Variants in MACF1 observed in about 807,000 individuals in gnomAD.
MACF1 encodes the protein microtubule actin crosslinking factor 1.
In MACF1, 193 loss-of-function variants were observed where a neutral mutation model predicts 854.8. The observed-to-expected ratio is 0.23, with a 90% CI of 0.20 to 0.25. The LOEUF is 0.25. Among genes scored for constraint, MACF1 ranks in the 10% least tolerant of loss-of-function variants. The probability of loss-of-function intolerance (pLI) is 1.00; values close to 1 mark genes in which losing one functional copy is unlikely to be tolerated. For missense variants in MACF1, 7,722 were observed against 8,929.1 expected (o/e 0.86, Z 5.45); for synonymous variants, 3,185 against 3,226.7 (o/e 0.99, Z 0.44).
intron 4 of MACF1, among the ~76,000 whole-genome samples, chr1:39,253,400 C>T (rs2484755): frequency 0.055 from 8,390 of 152,114 alleles, 299 homozygotes; most frequent in African/African-American, 0.097. Flanking sequence ...AGCTATGTTC[C>T]TGGGAAACTG....
chr1:39,206,471 AGTT>A (rs1243488208), intron 1 of MACF1: 1 of 152,206 alleles, frequency 6.6e-6, no homozygotes, highest in African/African-American at 2.4e-5. Flanking sequence ...ATAACTAATT[AGTT>A]GTTAATATTT....
intron 6 of MACF1, among the ~76,000 whole-genome samples, chr1:39,278,895 T>C (rs1645490875): frequency 6.6e-6 from 1 of 152,178 alleles, no homozygotes; most frequent in Admixed American, 6.5e-5. Flanking sequence ...ATAGTTTTAG[T>C]AAACTGACTC....
In MACF1 at chr1:39,340,485, C is replaced by T; in HGVS notation, c.10216-17C>T. 1 of 1,591,598 alleles carries T rather than the reference C, an allele frequency of 6.3e-7. No individual in the cohort carries two copies. The highest frequency in any genetic ancestry group is 2.2e-5 in the East Asian group (1 of 44,812). On this transcript the variant is annotated splice_polypyrimidine_tract_variant and intron_variant, in intron 38 of 100. Coordinates refer to ENST00000564288, the MANE Select transcript of MACF1 (RefSeq NM_001394062.1). ...TCTAGTCTTGCTTTTATAGGTAACTCCACTTTATTCCCTCAGGTATTAGAA... is the reference window on the plus strand; with the variant it reads ...TCTAGTCTTGCTTTTATAGGTAACTTCACTTTATTCCCTCAGGTATTAGAA...
rs866925599 is a variant in MACF1 at position 39,191,204 on chromosome 1, T to C, written c.221-39978T>C. On this transcript the variant is annotated intron_variant, in intron 2 of 93. Coordinates refer to the MACF1 transcript ENST00000361689. ...TTTGGGGTGATTCTTTCTTTCTTTT[T>C]TTTTTTTTTTTTTTAACCTAGCAGT... 4.8e-3 allele frequency among the ~76,000 whole-genome samples: 713 copies of C among 149,440 alleles called. 11 individuals are homozygous for C. Among genetic ancestry groups the C allele is most frequent in the South Asian group, 0.043 (207 of 4,772 alleles).
Position 39,331,148 on chromosome 1 carries a change from C to T in MACF1, c.4615-55C>T, listed in dbSNP as rs1571346319. 2.8e-6 allele frequency: 4 copies of T among 1,449,616 alleles called. No individual in the cohort carries two copies. The East Asian group carries it at 1.0e-4, about 36-fold the overall frequency. 89.8% of individuals were successfully genotyped at this position (1,449,616 alleles called of 1,614,324 possible). Reference sequence around the variant, plus strand: ...TTGTGCTTTGCCATTGGCTCTGATTCAGTTTTCTTTTTCTTCTCTTTTCCT... The same window carrying T: ...TTGTGCTTTGCCATTGGCTCTGATTTAGTTTTCTTTTTCTTCTCTTTTCCT... On this transcript the variant is annotated intron_variant, in intron 36 of 100. Coordinates refer to ENST00000564288, the MANE Select transcript of MACF1 (RefSeq NM_001394062.1).
At chr1:39,412,557 C>A in intron 58 of MACF1, 1 of 1,613,996 alleles carries the variant, frequency 6.2e-7, no homozygotes. Flanking sequence ...TGAGTCTGCA[C>A]CTGCTGGTTG....
At chr1:39,396,031 G>A (rs1642258085) in intron 58 of MACF1, among the ~76,000 whole-genome samples, 1 of 152,222 alleles carries the variant, frequency 6.6e-6, no homozygotes, top group Non-Finnish European at 1.5e-5. Context: ...AAATTTGATA[G>A]CAAGGTGAGA....
intron 87 of MACF1, 120 bp from the exon 88 acceptor site, chr1:39,453,587 G>A (rs1644380295): frequency 1.2e-6 from 1 of 804,608 alleles, no homozygotes; most frequent in Non-Finnish European, 2.0e-6. Context: ...GGCTTTTAGA[G>A]GTCTGCGTTA....
chr1:39,242,378 C>G (rs1644934823), intron 2 of MACF1, among the ~76,000 whole-genome samples: 1 of 151,032 alleles, frequency 6.6e-6, no homozygotes, highest in Non-Finnish European at 1.5e-5. Flanking sequence ...GACAGCAGAC[C>G]CCTCCTTGAC....
chr1:39,476,913 G>A (rs1035828695), intron 97 of MACF1, among the ~76,000 whole-genome samples: 11 of 149,638 alleles, frequency 7.4e-5, no homozygotes, highest in African/African-American at 2.7e-4. Context: ...TGTCCTCCCC[G>A]GCTTCAAGGA....
intron 50 of MACF1, 68 bp downstream of exon 50, chr1:39,368,382 TTTCTC>T: frequency 1.4e-6 from 2 of 1,459,716 alleles, no homozygotes; most frequent in Non-Finnish European, 9.5e-7. Context: ...GAAATGATCT[TTTCTC>T]TTTTCTTCCT....
rs1331124927 is a variant in MACF1 at position 39,409,351 on chromosome 1, C to G, written c.15817-13023C>G. 6.6e-6 allele frequency among the ~76,000 whole-genome samples: 1 copy of G among 152,080 alleles called. No homozygotes were observed. Among genetic ancestry groups the G allele is most frequent in the Non-Finnish European group, 1.5e-5 (1 of 67,990 alleles). ...GCCCACAGCACTCGGGACTCAGCTG[C>G]CGGAGGGACAAACTAACTTCCTGAG... On this transcript the variant is annotated intron_variant, in intron 58 of 100. Coordinates refer to ENST00000564288, the MANE Select transcript of MACF1 (RefSeq NM_001394062.1). The surrounding 1 kb of genome is among the most constrained non-coding windows in gnomAD (Gnocchi z 4.2).
In MACF1 at chr1:39,426,300, A is replaced by G. The variant is rs959844450; in HGVS notation, c.16317-1155A>G. Among the ~76,000 whole-genome samples, 20 of 152,308 alleles carry G rather than the reference A, an allele frequency of 1.3e-4. No homozygotes were observed. In the East Asian group the frequency reaches 3.3e-3, roughly 25 times the overall value. Reference sequence around the variant, plus strand: ...TGAATTTCCAGTAATCAAAATGCCAACTTTTTTTATTTAAACCACTTCTTA... The same window carrying G: ...TGAATTTCCAGTAATCAAAATGCCAGCTTTTTTTATTTAAACCACTTCTTA... On this transcript the variant is annotated intron_variant, in intron 61 of 100. Transcript: ENST00000564288.
chr1:39,150,911 C>G (rs1421928291), intron 2 of MACF1, among the ~76,000 whole-genome samples: 1 of 152,160 alleles, frequency 6.6e-6, no homozygotes, highest in African/African-American at 2.4e-5. Flanking sequence ...GTCCTTGGCA[C>G]TCTACATAGT....
intron 97 of MACF1, among the ~76,000 whole-genome samples, chr1:39,473,072 G>C (rs905248714): frequency 6.6e-6 from 1 of 152,220 alleles, no homozygotes; most frequent in African/African-American, 2.4e-5. Context: ...ATTGGCTGGA[G>C]ATTTCCTTAT....
intron 2 of MACF1, among the ~76,000 whole-genome samples, chr1:39,156,916 A>G (rs67758468): frequency 0.2 from 29,672 of 151,294 alleles, 3,321 homozygotes; most frequent in East Asian, 0.32. Flanking sequence ...GACTAGTAGC[A>G]TTGGAAGGCA....
chr1:39,303,436 A>C (rs916131369), intron 23 of MACF1, among the ~76,000 whole-genome samples: 2 of 152,112 alleles, frequency 1.3e-5, no homozygotes, highest in African/African-American at 4.8e-5. Flanking sequence ...CTGTAGTCCC[A>C]GCTACTTGGG....
Position 39,361,448 on chromosome 1 carries a change from C to T in MACF1, c.12542C>T (p.Thr4181Ile). Reference protein sequence around the residue: ...VTRFMETADSTTAAVLQGKLA... With the variant: ...VTRFMETADSITAAVLQGKLA... Reference sequence around the variant, plus strand: ...CGATTCATGGAGACAGCAGACAGTACTACAGCAGCAGTGCTGCAGGGCAAA... The same window carrying T: ...CGATTCATGGAGACAGCAGACAGTATTACAGCAGCAGTGCTGCAGGGCAAA... Residue 4181 changes from threonine (T) to isoleucine (I), a missense_variant, in exon 49 of 101, where the codon ACT becomes ATT. Physicochemically the swap from Thr to Ile is moderately conservative, Grantham distance 89. Around this residue, in one of 15 missense-constraint regions of MACF1, gnomAD observed 2,807 missense variants for 3,235.8 expected, o/e 0.87. Transcript: ENST00000564288. The T allele has an allele frequency of 6.2e-7, 1 of 1,614,172 alleles. No homozygotes were observed. Among genetic ancestry groups the T allele is most frequent in the Non-Finnish European group, 8.5e-7 (1 of 1,180,036 alleles).
At chr1:39,114,035 T>TA (rs35507139) in intron 2 of MACF1, among the ~76,000 whole-genome samples, 52,730 of 146,028 alleles carry the variant, frequency 0.36, 9,549 homozygotes, top group Non-Finnish European at 0.4. Context: ...GACTCCGTCT[T>TA]AAAAAAAAAA....
Sources: allele counts gnomAD v4.1 joint callset (sites outside exome capture counted in the v4.1 genomes callset), GRCh38; gene constraint gnomAD v4.1.1; regional missense constraint gnomAD v4.1.1; non-coding constraint Gnocchi (gnomAD v3.1); transcripts MANE v1.5; gene names NCBI Gene and HGNC (gene_info 2026-07-23, HGNC 2026-07-21).